Variants in ZNF557 observed in about 807,000 individuals in gnomAD.
ZNF557 encodes the protein zinc finger protein 557.
Under a neutral mutation model 21.2 loss-of-function variants are expected in ZNF557, and 19 were observed. That is an observed-to-expected ratio of 0.90 (90% CI 0.63 to 1.32). ZNF557 has a LOEUF of 1.32. ZNF557 is among the 40% of genes most tolerant of loss of function. The pLI is 0.00. For missense variants in ZNF557, 487 were observed against 519.8 expected (o/e 0.94, Z 0.61); for synonymous variants, 207 against 194.8 (o/e 1.06, Z -0.52).
chr19:7,070,659 T>A lies in ZNF557; in HGVS notation c.-80+6T>A, dbSNP rs140759357. 1 of 152,290 alleles carries A rather than the reference T, an allele frequency of 6.6e-6. No individual in the cohort carries two copies. The highest frequency in any genetic ancestry group is 1.9e-4 in the East Asian group (1 of 5,188). The allele number at this position is 152,290 out of a possible 1,614,324, so 9.4% of individuals were successfully genotyped here. A position where few individuals can be genotyped will look rare whatever the true frequency, so the allele number is the denominator to read the frequency against. On this transcript the variant is annotated splice_donor_region_variant and intron_variant, in intron 2 of 7. Transcript: ENST00000252840. The stretch of plus-strand genomic sequence containing the variant: ...GTGGACTTCTGTATGATCAGGTAGG[T>A]ACCGTGTAGAACCTGCAAGTTGCAA...
rs1389005870 is a variant in ZNF557, at chr19:7,085,581, T to A, written c.*1837T>A. On this transcript the variant is annotated 3_prime_UTR_variant, in exon 8 of 8. Coordinates refer to ENST00000252840, the MANE Select transcript of ZNF557 (RefSeq NM_024341.3). Reference sequence around the variant, plus strand: ...CGAGTGTATTAATTTCAGAAAAATTTTCAGTGATTCCTCCCTTTATGCATG... The same window carrying A: ...CGAGTGTATTAATTTCAGAAAAATTATCAGTGATTCCTCCCTTTATGCATG... 1.3e-5 allele frequency: 2 copies of A among 152,202 alleles called. No individual in the cohort carries two copies. Among genetic ancestry groups the A allele is most frequent in the Non-Finnish European group, 2.9e-5 (2 of 68,032 alleles). The allele number at this position is 152,202 out of a possible 1,614,324, so 9.4% of individuals were successfully genotyped here.
chr19:7,071,442 A>G (rs370747809), intron 2 of ZNF557, among the ~76,000 whole-genome samples: 1 of 152,344 alleles, frequency 6.6e-6, no homozygotes, highest in South Asian at 2.1e-4. Context: ...ATTGAACAGC[A>G]AAGATTAAGA....
At chr19:7,081,887 C>T in intron 6 of ZNF557, 83 bp from the exon 7 acceptor site, 1 of 1,035,662 alleles carries the variant, frequency 9.7e-7, no homozygotes, top group Non-Finnish European at 1.5e-6. Context: ...TGCCTTCACT[C>T]ACGTATGCAT....
intron 6 of ZNF557, among the ~76,000 whole-genome samples, 154 bp downstream of exon 6, chr19:7,081,609 C>T (rs972888708): frequency 6.6e-6 from 1 of 152,166 alleles, no homozygotes; most frequent in Admixed American, 6.5e-5. Flanking sequence ...TCTGAGCCCC[C>T]TCATGTACCT....
rs1176318265 is a variant in ZNF557 at position 7,085,644 on chromosome 19, A to C, written c.*1900A>C. 2.0e-5 allele frequency: 3 copies of C among 152,164 alleles called. No individual in the cohort carries two copies. Among genetic ancestry groups the C allele is most frequent in the African/African-American group, 7.2e-5 (3 of 41,434 alleles). 9.4% of individuals were successfully genotyped at this position (152,164 alleles called of 1,614,324 possible). A position where few individuals can be genotyped will look rare whatever the true frequency, so the allele number is the denominator to read the frequency against. ...TAGAGGAAGCCCTAGGAACGTAATCAATGTTAGGATGCCTCATCTCTTAAC... is the reference window on the plus strand; with the variant it reads ...TAGAGGAAGCCCTAGGAACGTAATCCATGTTAGGATGCCTCATCTCTTAAC... On this transcript the variant is annotated 3_prime_UTR_variant, in exon 8 of 8. Transcript: ENST00000252840.
intron 7 of ZNF557, 26 bp downstream of exon 7, chr19:7,082,078 G>T (rs758920965): frequency 2.1e-5 from 33 of 1,583,070 alleles, no homozygotes; most frequent in Middle Eastern, 1.7e-4. Context: ...GTGATTCCTG[G>T]TTTTTTTCAT....
chr19:7,076,948 A>G (rs1230541971), intron 5 of ZNF557, among the ~76,000 whole-genome samples: 1 of 151,664 alleles, frequency 6.6e-6, no homozygotes, highest in Non-Finnish European at 1.5e-5. Context: ...GGGTCTTGCT[A>G]TGTTGCCCTG....
intron 5 of ZNF557, among the ~76,000 whole-genome samples, 185 bp from the exon 6 acceptor site, chr19:7,081,175 G>T (rs1197111330): frequency 7.7e-6 from 1 of 130,116 alleles, no homozygotes; most frequent in Non-Finnish European, 1.6e-5. Flanking sequence ...GTGTGTGTGT[G>T]TGTGTGTGTG....
rs1283361494 is a variant in ZNF557 at position 7,087,796 on chromosome 19, A to G, written c.*4052A>G. 1 of 151,960 alleles carries G rather than the reference A, an allele frequency of 6.6e-6. No individual in the cohort carries two copies. The highest frequency in any genetic ancestry group is 1.5e-5 in the Non-Finnish European group (1 of 68,000). The allele number at this position is 151,960 out of a possible 1,614,324, so 9.4% of individuals were successfully genotyped here. A position where few individuals can be genotyped will look rare whatever the true frequency, so the allele number is the denominator to read the frequency against. On this transcript the variant is annotated 3_prime_UTR_variant, in exon 8 of 8. Coordinates refer to ENST00000252840, the MANE Select transcript of ZNF557 (RefSeq NM_024341.3). The stretch of plus-strand genomic sequence containing the variant: ...TAATCCTGTTTATTGATCTGTTTTT[A>G]TAAGTGCTCCATGATTCTCTGAAAA...
At chr19:7,080,131 A>G (rs1433561369) in intron 5 of ZNF557, among the ~76,000 whole-genome samples, 1 of 152,120 alleles carries the variant, frequency 6.6e-6, no homozygotes, top group Non-Finnish European at 1.5e-5. Context: ...GTGAAACCAC[A>G]TCTTTACTAA....
intron 2 of ZNF557, among the ~76,000 whole-genome samples, chr19:7,072,754 C>G (rs577766881): frequency 3.0e-4 from 46 of 152,294 alleles, no homozygotes; most frequent in African/African-American, 1.0e-3. Flanking sequence ...GGGTTGGATG[C>G]CATGTGCCCC....
chr19:7,084,027 A>C lies in ZNF557; in HGVS notation c.*283A>C. The stretch of plus-strand genomic sequence containing the variant: ...TTACTGGTGAAGGGACCACTTCCAA[A>C]TGGCTTACAAGCCCGACAAGTGCAT... On this transcript the variant is annotated 3_prime_UTR_variant, in exon 8 of 8. Transcript: ENST00000252840. 2.9e-6 allele frequency: 1 copy of C among 345,202 alleles called. No individual in the cohort carries two copies. Among genetic ancestry groups the C allele is most frequent in the Non-Finnish European group, 5.3e-6 (1 of 187,404 alleles). 21.4% of individuals were successfully genotyped at this position (345,202 alleles called of 1,614,324 possible). A position where few individuals can be genotyped will look rare whatever the true frequency, so the allele number is the denominator to read the frequency against.
At position 7,073,152 on chromosome 19, in the gene ZNF557, T is replaced by G. The variant is rs571388830; in HGVS notation, c.-79-1844T>G. 1.0e-4 allele frequency among the ~76,000 whole-genome samples: 5 copies of G among 48,396 alleles called. No homozygotes were observed. The South Asian group carries it at 2.6e-3, about 26-fold the overall frequency. 31.7% of individuals were successfully genotyped at this position (48,396 alleles called of 152,430 possible). A position where few individuals can be genotyped will look rare whatever the true frequency, so the allele number is the denominator to read the frequency against. On this transcript the variant is annotated intron_variant, in intron 2 of 7. Transcript: ENST00000252840. ...ATACAGATATTTGTTTTTTTGGTTT[T>G]TTTTGTTTTTTTTTTTTTGAGATGG...
chr19:7,077,052 T>C (rs1977598156), intron 5 of ZNF557, among the ~76,000 whole-genome samples: 2 of 152,048 alleles, frequency 1.3e-5, no homozygotes, highest in South Asian at 4.1e-4. Context: ...CTGGCCCAAT[T>C]CTTGACATTT....
At position 7,070,620 on chromosome 19, in the gene ZNF557, A is replaced by G. The variant is rs970996661; in HGVS notation, c.-113A>G. The G allele has an allele frequency of 3.3e-5, 5 of 152,184 alleles. No homozygotes were observed. The highest frequency in any genetic ancestry group is 6.5e-5 in the Admixed American group (1 of 15,282). The allele number at this position is 152,184 out of a possible 1,614,324, so 9.4% of individuals were successfully genotyped here. ...TTGAAACCAGCCTCAAGTTTCACCT[A>G]TCCTCACTGATCCGTGGACTTCTGT... On this transcript the variant is annotated 5_prime_UTR_variant, in exon 2 of 8. Transcript: ENST00000252840.
chr19:7,076,378 T>C lies in ZNF557; in HGVS notation c.121-3T>C. 6.2e-7 allele frequency: 1 copy of C among 1,614,164 alleles called. No individual in the cohort carries two copies. The highest frequency in any genetic ancestry group is 8.5e-7 in the Non-Finnish European group (1 of 1,180,036). On this transcript the variant is annotated splice_polypyrimidine_tract_variant and splice_region_variant and intron_variant, in intron 4 of 7. Transcript: ENST00000252840. Reference sequence around the variant, plus strand: ...CTAAGCCGTGATGTTTGCAATGCTTTAGGGCTTGGTGACCTTTGAGGATGT... The same window carrying C: ...CTAAGCCGTGATGTTTGCAATGCTTCAGGGCTTGGTGACCTTTGAGGATGT...
At chr19:7,074,467 TCTCTC>T (rs1977532861) in intron 2 of ZNF557, among the ~76,000 whole-genome samples, 1 of 151,606 alleles carries the variant, frequency 6.6e-6, no homozygotes, top group African/African-American at 2.4e-5. Context: ...CTAGAGATCT[TCTCTC>T]TTTTTTTTTT....
intron 5 of ZNF557, among the ~76,000 whole-genome samples, chr19:7,080,275 G>A (rs552778533): frequency 6.6e-6 from 1 of 152,290 alleles, no homozygotes; most frequent in South Asian, 2.1e-4. Flanking sequence ...CTGCACTCTA[G>A]CCTGGGCGAC....
Position 7,082,953 on chromosome 19 carries a change from A to AC in ZNF557, c.503dup (p.Arg169ThrfsTer16). 1 of 1,613,840 alleles carries AC rather than the reference A, an allele frequency of 6.2e-7. No homozygotes were observed. Among genetic ancestry groups the AC allele is most frequent in the Non-Finnish European group, 8.5e-7 (1 of 1,179,866 alleles). The stretch of plus-strand genomic sequence containing the variant: ...AGTCTTCAGCACAAAATCTTCCCTT[A>AC]CACGGCACAGGAAGATTCATACTGG... On this transcript the variant is annotated frameshift_variant, in exon 8 of 8. Coordinates refer to ENST00000252840, the MANE Select transcript of ZNF557 (RefSeq NM_024341.3). LOFTEE classifies it low-confidence loss of function (END_TRUNC).
Sources: gnomAD v4.1 joint callset for allele counts (sites outside exome capture counted in the v4.1 genomes callset) on GRCh38, gnomAD v4.1.1 for gene constraint, MANE v1.5 for transcripts, NCBI Gene and HGNC (gene_info 2026-07-23, HGNC 2026-07-21) for gene names.